PPM1L: variants seen among roughly 807,000 people sequenced by gnomAD.
The protein encoded by PPM1L is protein phosphatase 1L.
Under a neutral mutation model 31.4 loss-of-function variants are expected in PPM1L, and 13 were observed. That is an observed-to-expected ratio of 0.41 (90% CI 0.27 to 0.66). The LOEUF (loss-of-function observed/expected upper bound fraction) is 0.66. PPM1L is among the 30% of genes least tolerant of loss of function. PPM1L has a pLI of 0.29. For missense variants in PPM1L, 326 were observed against 453.7 expected, an observed-to-expected ratio of 0.72 and a Z score of 2.56; for synonymous variants, 184 against 175.4, an observed-to-expected ratio of 1.05 and a Z score of -0.39.
At chr3:160,818,386 T>C (rs1168278024) in intron 1 of PPM1L, among the ~76,000 whole-genome samples, 1 of 152,084 alleles carries the variant, frequency 6.6e-6, no homozygotes, top group African/African-American at 2.4e-5. Flanking sequence ...CTTTGTTTAG[T>C]ATTTGTGGCA....
intron 2 of PPM1L, among the ~76,000 whole-genome samples, chr3:161,010,751 G>T (rs1717866995): frequency 6.6e-6 from 1 of 152,120 alleles, no homozygotes; most frequent in African/African-American, 2.4e-5. Flanking sequence ...TTTTGGTTTT[G>T]ATTTGCATTT....
At chr3:160,993,632 G>A (rs1462408917) in intron 2 of PPM1L, among the ~76,000 whole-genome samples, 1 of 152,018 alleles carries the variant, frequency 6.6e-6, no homozygotes, top group Non-Finnish European at 1.5e-5. Context: ...AGAATGTTTT[G>A]GTAAATGTGG....
intron 2 of PPM1L, among the ~76,000 whole-genome samples, chr3:161,017,084 C>CA (rs1718108001): frequency 6.6e-6 from 1 of 151,952 alleles, no homozygotes; most frequent in African/African-American, 2.4e-5. Context: ...TGAAACATTT[C>CA]ATTACTGTAC....
intron 2 of PPM1L, among the ~76,000 whole-genome samples, chr3:161,051,408 A>G (rs1471033493): frequency 6.6e-6 from 1 of 151,160 alleles, no homozygotes; most frequent in East Asian, 1.9e-4. Context: ...ACACACAACC[A>G]TCCTGTCCTA....
chr3:160,823,087 C>T (rs1025320121), intron 1 of PPM1L, among the ~76,000 whole-genome samples: 13 of 151,968 alleles, frequency 8.6e-5, no homozygotes, highest in Non-Finnish European at 1.8e-4. Context: ...AAAAAGAAGC[C>T]TGCTTTACAT....
intron 1 of PPM1L, among the ~76,000 whole-genome samples, chr3:160,827,640 G>A (rs1446327766): frequency 6.6e-6 from 1 of 152,084 alleles, no homozygotes; most frequent in African/African-American, 2.4e-5. Context: ...CATAATGCCT[G>A]ACAAAGTGAT....
chr3:160,954,506 G>A (rs1715674413), intron 1 of PPM1L, among the ~76,000 whole-genome samples: 1 of 151,956 alleles, frequency 6.6e-6, no homozygotes, highest in Admixed American at 6.6e-5. Context: ...GGGACCACAG[G>A]TGCGTGCCAT....
intron 1 of PPM1L, among the ~76,000 whole-genome samples, chr3:160,856,679 G>C (rs1012063714): frequency 6.6e-6 from 1 of 152,008 alleles, no homozygotes; most frequent in Non-Finnish European, 1.5e-5. Context: ...AGGAGGGTGA[G>C]GATTGAAAAA....
intron 1 of PPM1L, among the ~76,000 whole-genome samples, chr3:160,931,693 T>G (rs1053380164): frequency 1.3e-5 from 2 of 152,240 alleles, no homozygotes; most frequent in African/African-American, 4.8e-5. Flanking sequence ...TTCACATATG[T>G]TCCTAATTAA....
Position 161,069,255 on chromosome 3 carries a change from C to T in PPM1L, c.*98C>T, listed in dbSNP as rs192593240. 3 of 916,576 alleles carry T rather than the reference C, an allele frequency of 3.3e-6. No homozygotes were observed. Among genetic ancestry groups the T allele is most frequent in the Non-Finnish European group, 4.8e-6 (3 of 622,090 alleles). The allele number at this position is 916,576 out of a possible 1,614,324, so 56.8% of individuals were successfully genotyped here. ...GTGTGGGAGTTGTAATTAGGATCAT[C>T]CACCCCAGACATGGAATCCCCCCTC... On this transcript the variant is annotated 3_prime_UTR_variant, in exon 4 of 4. Transcript: ENST00000498165.
In PPM1L at chr3:160,976,744, G is replaced by A. The variant is rs149664810; in HGVS notation, c.574+14834G>A. On this transcript the variant is annotated intron_variant, in intron 2 of 3. Transcript: ENST00000498165. ...TATCCCCTTTATCATTTTTTATTGC[G>A]TCCATTTGATTCTTCTCTCTTTTTT... Among the ~76,000 whole-genome samples, 505 of 151,814 alleles carry A rather than the reference G, an allele frequency of 3.3e-3. 2 individuals carry two copies. Among genetic ancestry groups the A allele is most frequent in the African/African-American group, 0.011 (450 of 41,412 alleles).
intron 1 of PPM1L, among the ~76,000 whole-genome samples, chr3:160,779,615 T>C (rs1191267709): frequency 2.6e-5 from 4 of 151,970 alleles, no homozygotes; most frequent in African/African-American, 7.2e-5. Context: ...CTCTGCCTCC[T>C]GGGTTCAAGC....
At chr3:161,000,600 G>C (rs1717450639) in intron 2 of PPM1L, among the ~76,000 whole-genome samples, 1 of 152,174 alleles carries the variant, frequency 6.6e-6, no homozygotes, top group Non-Finnish European at 1.5e-5. Context: ...ACCTTTAGAA[G>C]TACATTTTCA....
Position 161,069,018 on chromosome 3 carries a change from G to C in PPM1L, c.944G>C (p.Arg315Pro), listed in dbSNP as rs773843756. 5 of 1,614,138 alleles carry C rather than the reference G, an allele frequency of 3.1e-6. No individual in the cohort carries two copies. In the South Asian group the frequency reaches 4.4e-5, roughly 14 times the overall value. Reference sequence around the variant, plus strand: ...GCTTTCAGCAATGAAGAAGCAGTTCGATTCATCAAGGAGCGCTTGGATGAA... The same window carrying C: ...GCTTTCAGCAATGAAGAAGCAGTTCCATTCATCAAGGAGCGCTTGGATGAA... ...WDAFSNEEAV[R>P]FIKERLDEPH... is the part of the protein sequence containing the mutation. Residue 315 changes from arginine to proline, a missense_variant, in exon 4 of 4, where the codon CGA (arginine) becomes CCA (proline). Transcript: ENST00000498165.
At chr3:160,885,574 A>T (rs1353407648) in intron 1 of PPM1L, among the ~76,000 whole-genome samples, 2 of 152,206 alleles carry the variant, frequency 1.3e-5, no homozygotes, top group Non-Finnish European at 2.9e-5. Flanking sequence ...ATCCACGAAG[A>T]GGAGGGAACA....
In PPM1L at chr3:161,054,725, A is replaced by G. The variant is rs1041403024; in HGVS notation, c.575-10678A>G. Among the ~76,000 whole-genome samples, 4 of 152,152 alleles carry G rather than the reference A, an allele frequency of 2.6e-5. No homozygotes were observed. In the South Asian group the frequency reaches 8.5e-4, roughly 32 times the overall value. ...CAGTTTTATCATCTGTAAGATGGGA[A>G]TAATAATAGTACATCATAGGCTATT... On this transcript the variant is annotated intron_variant, in intron 2 of 3. Coordinates refer to ENST00000498165, the MANE Select transcript of PPM1L (RefSeq NM_139245.4).
Position 161,073,619 on chromosome 3 carries a change from T to A in PPM1L, c.*4462T>A, listed in dbSNP as rs1720006557. The A allele has an allele frequency of 1.3e-5, 2 of 151,820 alleles. No individual in the cohort carries two copies. The highest frequency in any genetic ancestry group is 4.8e-5 in the African/African-American group (2 of 41,308). The allele number at this position is 151,820 out of a possible 1,614,324, so 9.4% of individuals were successfully genotyped here. On this transcript the variant is annotated 3_prime_UTR_variant, in exon 4 of 4. Transcript: ENST00000498165. ...CTCTGTCACCCAGGCTGGAATGCCGTGGCGCAATGTCAGGTCACTGCAAGC... is the reference window on the plus strand; with the variant it reads ...CTCTGTCACCCAGGCTGGAATGCCGAGGCGCAATGTCAGGTCACTGCAAGC...
At chr3:160,910,259 T>TCCCCTTTCCCC (rs1713918670) in intron 1 of PPM1L, among the ~76,000 whole-genome samples, 1 of 50,094 alleles carries the variant, frequency 2.0e-5, no homozygotes. Flanking sequence ...CCCCTTCCCC[T>TCCCCTTTCCCC]TTCCCCTTCC....
intron 2 of PPM1L, among the ~76,000 whole-genome samples, chr3:161,020,704 G>C (rs1424728372): frequency 6.6e-6 from 1 of 152,102 alleles, no homozygotes. Context: ...GGAAGCTTTT[G>C]ATTACTAATT....
Sources: gnomAD v4.1 joint callset for allele counts (sites outside exome capture counted in the v4.1 genomes callset) on GRCh38, gnomAD v4.1.1 for gene constraint, MANE v1.5 for transcripts, NCBI Gene and HGNC (gene_info 2026-07-23, HGNC 2026-07-21) for gene names.